Variants in FNDC3B observed in about 807,000 individuals in gnomAD.
FNDC3B encodes the protein fibronectin type III domain containing 3B.
FNDC3B carries 12 observed loss-of-function variants against 151.5 expected under a neutral mutation model. The observed-to-expected ratio is 0.08, with a 90% confidence interval of 0.05 to 0.13. The LOEUF is 0.13. FNDC3B is among the 10% of genes least tolerant of loss of function. The pLI, the probability that FNDC3B is intolerant of heterozygous loss-of-function variation, is 1.00. For synonymous variants in FNDC3B, 528 were observed against 549.0 expected (o/e 0.96, Z 0.54); for missense variants, 1,214 against 1,505.3 (o/e 0.81, Z 3.20).
chr3:172,138,585 A>C (rs1721479825), intron 3 of FNDC3B, among the ~76,000 whole-genome samples: 1 of 152,242 alleles, frequency 6.6e-6, no homozygotes, highest in African/African-American at 2.4e-5. Flanking sequence ...TTTTTTATTT[A>C]AGACTATTAG....
At chr3:172,345,278 T>A (rs997040109) in intron 19 of FNDC3B, among the ~76,000 whole-genome samples, 2 of 152,192 alleles carry the variant, frequency 1.3e-5, no homozygotes, top group Admixed American at 6.5e-5. Flanking sequence ...CTTATAATCA[T>A]GTAAGCGAAA....
At chr3:172,271,815 A>G (rs1729215266) in intron 6 of FNDC3B, among the ~76,000 whole-genome samples, 1 of 152,258 alleles carries the variant, frequency 6.6e-6, no homozygotes, top group Admixed American at 6.5e-5. Context: ...TGGAGACACC[A>G]TCCACGCATG....
intron 7 of FNDC3B, among the ~76,000 whole-genome samples, chr3:172,290,937 A>G (rs963957441): frequency 2.0e-5 from 3 of 152,222 alleles, no homozygotes; most frequent in African/African-American, 7.2e-5. Context: ...GGCCTCCCAC[A>G]TAGTTCAATC....
chr3:172,234,738 T>C (rs554693990), intron 4 of FNDC3B, among the ~76,000 whole-genome samples: 15 of 152,342 alleles, frequency 9.8e-5, no homozygotes, highest in Middle Eastern at 6.8e-3. Flanking sequence ...GCCCTTTCTA[T>C]TACATTTTAT....
chr3:172,105,921 A>C (rs1250241384), intron 1 of FNDC3B, among the ~76,000 whole-genome samples: 1 of 152,274 alleles, frequency 6.6e-6, no homozygotes, highest in Non-Finnish European at 1.5e-5. Flanking sequence ...CAGAACAAGC[A>C]TGTAGCAAGC....
At chr3:172,232,132 C>T (rs1726924782) in intron 4 of FNDC3B, among the ~76,000 whole-genome samples, 1 of 152,048 alleles carries the variant, frequency 6.6e-6, no homozygotes, top group Non-Finnish European at 1.5e-5. Flanking sequence ...TCACCTGCCT[C>T]AGCCTCCCAA....
intron 15 of FNDC3B, 24 bp downstream of exon 15, chr3:172,335,106 T>TG: frequency 6.6e-7 from 1 of 1,504,354 alleles, no homozygotes; most frequent in Non-Finnish European, 8.8e-7. Flanking sequence ...CTGCTGCTAC[T>TG]GTTTTTTTTT....
chr3:172,229,762 A>G (rs551769569), intron 4 of FNDC3B, among the ~76,000 whole-genome samples: 3 of 152,342 alleles, frequency 2.0e-5, no homozygotes, highest in African/African-American at 4.8e-5. Flanking sequence ...ATTCATATAT[A>G]TTCTTAAATG....
At chr3:172,222,438 A>G (rs1265842824) in intron 3 of FNDC3B, among the ~76,000 whole-genome samples, 1 of 152,244 alleles carries the variant, frequency 6.6e-6, no homozygotes, top group Non-Finnish European at 1.5e-5. Flanking sequence ...GTCTGCTCCC[A>G]GAATGGGTGA....
chr3:172,137,710 GCATA>G (rs1012706699), intron 3 of FNDC3B, among the ~76,000 whole-genome samples: 1 of 152,110 alleles, frequency 6.6e-6, no homozygotes, highest in Non-Finnish European at 1.5e-5. Flanking sequence ...AACACAGGAA[GCATA>G]CAATATGCTG....
intron 23 of FNDC3B, among the ~76,000 whole-genome samples, chr3:172,363,101 A>T (rs916001066): frequency 6.6e-6 from 1 of 151,240 alleles, no homozygotes; most frequent in Non-Finnish European, 1.5e-5. Context: ...CAAGCCAGAT[A>T]ATGGAGAGAA....
intron 3 of FNDC3B, among the ~76,000 whole-genome samples, chr3:172,144,323 C>G (rs1721792166): frequency 6.6e-6 from 1 of 152,294 alleles, no homozygotes; most frequent in South Asian, 2.1e-4. Context: ...GGCCCCACCT[C>G]CAACGTTGGG....
chr3:172,212,691 T>C (rs1005725650), intron 3 of FNDC3B, among the ~76,000 whole-genome samples: 1 of 152,234 alleles, frequency 6.6e-6, no homozygotes, highest in Non-Finnish European at 1.5e-5. Context: ...ACAGAAATTA[T>C]CAGGTTTCTT....
chr3:172,136,786 C>A (rs1721389412), intron 3 of FNDC3B, among the ~76,000 whole-genome samples: 1 of 152,084 alleles, frequency 6.6e-6, no homozygotes, highest in South Asian at 2.1e-4. Flanking sequence ...GTGGCACAAT[C>A]TCGGCTCACT....
chr3:172,134,160 C>G (rs1242584690), intron 3 of FNDC3B, among the ~76,000 whole-genome samples: 5 of 152,190 alleles, frequency 3.3e-5, no homozygotes, highest in African/African-American at 1.2e-4. Flanking sequence ...AGTTCAGAAC[C>G]TTATCATCTA....
chr3:172,279,212 C>CTGGGGAG (rs1729578543), intron 6 of FNDC3B, among the ~76,000 whole-genome samples: 1 of 48,462 alleles, frequency 2.1e-5, no homozygotes, highest in African/African-American at 7.2e-5. Context: ...AATCACAGGC[C>CTGGGGAG]TGGGGAGTGG....
intron 17 of FNDC3B, among the ~76,000 whole-genome samples, chr3:172,341,440 T>A (rs1245263030): frequency 1.3e-5 from 2 of 152,220 alleles, no homozygotes; most frequent in Non-Finnish European, 2.9e-5. Flanking sequence ...TTGTGGTATT[T>A]TCGGGTACAT....
At chr3:172,128,469 A>G (rs1277799990) in intron 2 of FNDC3B, among the ~76,000 whole-genome samples, 1 of 151,794 alleles carries the variant, frequency 6.6e-6, no homozygotes, top group Non-Finnish European at 1.5e-5. Flanking sequence ...GCTGTGTTCT[A>G]TGGCACACAG....
rs747469064 is a variant in FNDC3B, at chr3:172,330,712, A to G, written c.1551A>G (p.Glu517=). 40 of 1,612,184 alleles carry G rather than the reference A, an allele frequency of 2.5e-5. No individual in the cohort carries two copies. The Admixed American group carries it at 3.3e-4, about 13-fold the overall frequency. The change falls in exon 13 of 26, where the codon GAA becomes GAG. Residue 517 remains glutamate, a synonymous_variant. Transcript: ENST00000415807. ...ITYTLEIQED[E]NDNLFHPKYT... ...ACACCTTGGAAATTCAGGAGGATGA[A>G]AATGTGAGTTTTACAGATTTTATAC...
Sources: gnomAD v4.1 joint callset for allele counts (sites outside exome capture counted in the v4.1 genomes callset) on GRCh38, gnomAD v4.1.1 for gene constraint, MANE v1.5 for transcripts, NCBI Gene and HGNC (gene_info 2026-07-23, HGNC 2026-07-21) for gene names.